C10orf105: variants seen among roughly 807,000 people sequenced by gnomAD.
C10orf105 encodes the protein chromosome 10 open reading frame 105.
In C10orf105, 2 loss-of-function variants were observed where a neutral mutation model predicts 0.6. That is an observed-to-expected ratio of 3.18 (90% confidence interval 1.30 to 10.01). The LOEUF is 10.01. Ranked by LOEUF, C10orf105 falls within the 30% of genes most tolerant of loss-of-function variation. The pLI is 0.04. For synonymous variants in C10orf105, 95 were observed against 82.4 expected (o/e 1.15, Z -0.83); for missense variants, 209 against 191.4 (o/e 1.09, Z -0.54).
chr10:71,728,579 G>A (rs573642658), intron 1 of C10orf105, among the ~76,000 whole-genome samples: 75 of 152,258 alleles, frequency 4.9e-4, no homozygotes, highest in Non-Finnish European at 8.5e-4. Context: ...AGACACACAC[G>A]CCTCTGCTGC....
chr10:71,717,308 G>T (rs943121521), intron 1 of C10orf105: 4 of 152,204 alleles, frequency 2.6e-5, no homozygotes, highest in African/African-American at 9.7e-5. Context: ...CCAAGTGAAG[G>T]TCAGAAGCAG....
At chr10:71,734,771 A>G in intron 1 of C10orf105, 1 of 639,314 alleles carries the variant, frequency 1.6e-6, no homozygotes, top group South Asian at 1.4e-5. Flanking sequence ...GCACGTGGAC[A>G]GGCCTGCAGC....
intron 1 of C10orf105, among the ~76,000 whole-genome samples, chr10:71,729,941 T>A (rs112401956): frequency 2.6e-5 from 4 of 152,012 alleles, no homozygotes; most frequent in African/African-American, 9.7e-5. Context: ...TTCACACCAT[T>A]CTCCTCCCTC....
In C10orf105 at chr10:71,727,073, A is replaced by G. The variant is rs905337448; in HGVS notation, c.-6+10655T>C. ...TCCCCTGAACCCTGAGGAATAATAA[A>G]CCCTCACACGTGCCCGATATTTTTC... is the stretch of plus-strand genomic sequence containing the variant. On this transcript the variant is annotated intron_variant, in intron 1 of 1. Transcript: ENST00000398786. Among the ~76,000 whole-genome samples, 3 of 151,928 alleles carry G rather than the reference A, an allele frequency of 2.0e-5. No homozygotes were observed. In the South Asian group the frequency reaches 6.2e-4, roughly 32 times the overall value.
At chr10:71,734,166 GA>G (rs1228278032) in intron 1 of C10orf105, 6 of 1,256,314 alleles carry the variant, frequency 4.8e-6, no homozygotes, top group Non-Finnish European at 6.8e-6. Flanking sequence ...CATGGAGGTG[GA>G]AAAGTGGGCA....
chr10:71,726,396 C>T (rs1866812845), intron 1 of C10orf105, among the ~76,000 whole-genome samples: 1 of 152,162 alleles, frequency 6.6e-6, no homozygotes, highest in South Asian at 2.1e-4. Context: ...CGGTGGTCAC[C>T]GGGTACTCAC....
intron 1 of C10orf105, chr10:71,730,690 C>A: frequency 6.4e-7 from 1 of 1,558,044 alleles, no homozygotes; most frequent in Non-Finnish European, 8.7e-7. Context: ...AAACGGTCAT[C>A]CCTGATGCTT....
rs993724109 is a variant in C10orf105, at chr10:71,731,900, G to A, written c.-6+5828C>T. 16 of 1,433,818 alleles carry A rather than the reference G, an allele frequency of 1.1e-5. No homozygotes were observed. The East Asian group carries it at 2.2e-4, about 19-fold the overall frequency. 88.8% of individuals were successfully genotyped at this position (1,433,818 alleles called of 1,614,324 possible). A position where few individuals can be genotyped will look rare whatever the true frequency, so the allele number is the denominator to read the frequency against. ...AGCCCATGCTGGGTGGGCCACCCAG[G>A]GGGTATGGGTGTGGCAGCTTGAGAA... On this transcript the variant is annotated intron_variant, in intron 1 of 1. Transcript: ENST00000398786.
In C10orf105 at chr10:71,712,769, G is replaced by T. The variant is rs1303572747; in HGVS notation, c.*3167C>A. The T allele has an allele frequency of 6.2e-7, 1 of 1,613,172 alleles. No individual in the cohort carries two copies. The highest frequency in any genetic ancestry group is 2.2e-5 in the East Asian group (1 of 44,878). On this transcript the variant is annotated 3_prime_UTR_variant, in exon 2 of 2. Transcript: ENST00000441508. ...CATCTTTCTGCAGAGCAGCTATGAG[G>T]CCAGCGTCCCTGAGGACATCCCTGA... is the stretch of plus-strand genomic sequence containing the variant.
chr10:71,719,103 TA>T (rs1321628729), intron 1 of C10orf105, among the ~76,000 whole-genome samples: 2 of 151,232 alleles, frequency 1.3e-5, no homozygotes, highest in Non-Finnish European at 3.0e-5. Flanking sequence ...AAAAAAAAAA[TA>T]AGTGGAGTTG....
In C10orf105 at chr10:71,732,419, C is replaced by T. The variant is rs1483809141; in HGVS notation, c.-6+5309G>A. ...GGAGCACCATTTCTTCCAATCTAAC[C>T]AACATTGGTTGAGCTCCTTCTGTGT... On this transcript the variant is annotated intron_variant, in intron 1 of 1. Coordinates refer to the C10orf105 transcript ENST00000398786. 1.3e-6 allele frequency: 2 copies of T among 1,550,402 alleles called. No homozygotes were observed. Among genetic ancestry groups the T allele is most frequent in the Non-Finnish European group, 1.7e-6 (2 of 1,146,662 alleles).
intron 1 of C10orf105, chr10:71,734,486 C>A: frequency 6.5e-7 from 1 of 1,532,474 alleles, no homozygotes; most frequent in South Asian, 1.2e-5. Flanking sequence ...CCATGTCCAG[C>A]CATGCCACAC....
chr10:71,724,632 C>G (rs914591762), upstream of C10orf105, among the ~76,000 whole-genome samples: 1 of 152,198 alleles, frequency 6.6e-6, no homozygotes, highest in African/African-American at 2.4e-5. Context: ...TTCCTGAAGT[C>G]CTGCTGTCCT....
upstream of C10orf105, among the ~76,000 whole-genome samples, chr10:71,724,387 G>A (rs966915564): frequency 6.6e-6 from 1 of 152,178 alleles, no homozygotes; most frequent in Non-Finnish European, 1.5e-5. Context: ...CTGCCTCCTG[G>A]GTTCAAGCGA....
At chr10:71,721,729 C>A (rs1251199591), upstream of C10orf105, among the ~76,000 whole-genome samples, 1 of 152,212 alleles carries the variant, frequency 6.6e-6, no homozygotes, top group Non-Finnish European at 1.5e-5. Flanking sequence ...CTCGCTCTGC[C>A]TTCATACCAC....
At position 71,714,992 on chromosome 10, in the gene C10orf105, C is replaced by G. The variant is rs1036745963; in HGVS notation, c.*944G>C. 9.2e-5 allele frequency: 14 copies of G among 152,298 alleles called. No homozygotes were observed. Among genetic ancestry groups the G allele is most frequent in the African/African-American group, 2.9e-4 (12 of 41,448 alleles). The allele number at this position is 152,298 out of a possible 1,614,324, so 9.4% of individuals were successfully genotyped here. ...CTGCTTTGACGGGTCATCAGCAAAG[C>G]ACTCACCAAAACCACAGATAGCATC... is the stretch of plus-strand genomic sequence containing the variant. On this transcript the variant is annotated 3_prime_UTR_variant, in exon 2 of 2. Coordinates refer to ENST00000441508, the MANE Select transcript of C10orf105 (RefSeq NM_001164375.3).
At chr10:71,723,716 G>A (rs1215078767), upstream of C10orf105, among the ~76,000 whole-genome samples, 1 of 152,166 alleles carries the variant, frequency 6.6e-6, no homozygotes, top group Non-Finnish European at 1.5e-5. Flanking sequence ...GGAATGTGGA[G>A]GGATGGAACA....
At chr10:71,733,250 G>C (rs895246464) in intron 1 of C10orf105, among the ~76,000 whole-genome samples, 8 of 152,180 alleles carry the variant, frequency 5.3e-5, no homozygotes, top group African/African-American at 1.9e-4. Context: ...TGGGAGAAGG[G>C]GCCCAGAGCT....
In C10orf105 at chr10:71,715,869, G is replaced by T; in HGVS notation, c.*67C>A. 2 of 1,390,596 alleles carry T rather than the reference G, an allele frequency of 1.4e-6. No homozygotes were observed. Among genetic ancestry groups the T allele is most frequent in the Non-Finnish European group, 1.9e-6 (2 of 1,052,828 alleles). The allele number at this position is 1,390,596 out of a possible 1,614,324, so 86.1% of individuals were successfully genotyped here. A position where few individuals can be genotyped will look rare whatever the true frequency, so the allele number is the denominator to read the frequency against. ...TGTCTTCCTGCAGCCTGCAGCACCG[G>T]TCTCTGAAGCAGGAGGATCTACAGG... On this transcript the variant is annotated 3_prime_UTR_variant, in exon 2 of 2. Transcript: ENST00000441508.
Sources: gnomAD v4.1 joint callset for allele counts (sites outside exome capture counted in the v4.1 genomes callset) on GRCh38, gnomAD v4.1.1 for gene constraint, MANE v1.5 for transcripts, NCBI Gene and HGNC (gene_info 2026-07-23, HGNC 2026-07-21) for gene names.